RPRD2: variants seen among roughly 807,000 people sequenced by gnomAD.
The protein encoded by RPRD2 is regulation of nuclear pre-mRNA domain containing 2.
RPRD2 carries 12 observed loss-of-function variants against 104.4 expected under a neutral mutation model. That is an observed-to-expected ratio of 0.11 (90% CI 0.07 to 0.19). The LOEUF (loss-of-function observed/expected upper bound fraction) is 0.19. Ranked by LOEUF, RPRD2 falls within the 10% of genes least tolerant of loss-of-function variation. The pLI is 1.00. For synonymous variants in RPRD2, 714 were observed against 684.9 expected, an observed-to-expected ratio of 1.04 and a Z score of -0.66; for missense variants, 1,543 against 1,790.1, an observed-to-expected ratio of 0.86 and a Z score of 2.49.
intron 1 of RPRD2, among the ~76,000 whole-genome samples, chr1:150,393,170 A>G (rs1203912910): frequency 2.0e-5 from 3 of 152,110 alleles, no homozygotes; most frequent in Admixed American, 6.6e-5. Context: ...GACCCAAACC[A>G]AAACATTATT....
chr1:150,459,234 C>T (rs1388913084), intron 8 of RPRD2, among the ~76,000 whole-genome samples: 1 of 152,070 alleles, frequency 6.6e-6, no homozygotes, highest in South Asian at 2.1e-4. Context: ...TTGATACAGC[C>T]CTTAAAGCAT....
intron 6 of RPRD2, 119 bp downstream of exon 6, chr1:150,444,496 T>A: frequency 2.1e-6 from 2 of 937,054 alleles, no homozygotes; most frequent in Non-Finnish European, 3.1e-6. Context: ...TTGTGGCACC[T>A]CTGGTTTCCC....
chr1:150,456,995 G>A (rs373208107), intron 7 of RPRD2, among the ~76,000 whole-genome samples: 2 of 151,728 alleles, frequency 1.3e-5, no homozygotes, highest in East Asian at 1.9e-4. Context: ...AGGCTGAGGC[G>A]TGTGGATCAC....
Position 150,364,714 on chromosome 1 carries a change from G to A in RPRD2, c.-1G>A, listed in dbSNP as rs781843577. On this transcript the variant is annotated 5_prime_UTR_variant, in exon 1 of 11. Coordinates refer to ENST00000369068, the MANE Select transcript of RPRD2 (RefSeq NM_015203.5). ...CAGCAGCGCTTGTGCAAACCGGGAA[G>A]ATGGCGGCCGGCGGCGGCGGAGGCA... 7.7e-6 allele frequency: 12 copies of A among 1,560,178 alleles called. No individual in the cohort carries two copies. The highest frequency in any genetic ancestry group is 2.1e-4 in the Middle Eastern group (1 of 4,662).
At chr1:150,452,020 T>C (rs1201596010) in intron 7 of RPRD2, among the ~76,000 whole-genome samples, 1 of 151,326 alleles carries the variant, frequency 6.6e-6, no homozygotes, top group Non-Finnish European at 1.5e-5. Flanking sequence ...CGGGTGCCTG[T>C]AATCCCAGCT....
At chr1:150,371,583 A>G (rs1660302123) in intron 1 of RPRD2, among the ~76,000 whole-genome samples, 1 of 152,136 alleles carries the variant, frequency 6.6e-6, no homozygotes, top group Admixed American at 6.5e-5. Flanking sequence ...GTTAGCCAGG[A>G]TGGTCTCGAT....
chr1:150,464,376 TTTTG>T, intron 9 of RPRD2, 147 bp from the exon 10 acceptor site: 2 of 574,206 alleles, frequency 3.5e-6, no homozygotes, highest in Admixed American at 3.1e-5. Flanking sequence ...TTTTTTTTTT[TTTTG>T]TACATGTCAT....
intron 10 of RPRD2, among the ~76,000 whole-genome samples, chr1:150,469,744 T>C (rs867087814): frequency 1.3e-5 from 2 of 152,216 alleles, no homozygotes; most frequent in Non-Finnish European, 2.9e-5. Context: ...TTCTCAGTGC[T>C]TCTGAGAAAG....
intron 4 of RPRD2, among the ~76,000 whole-genome samples, chr1:150,442,343 C>G (rs1666463561): frequency 6.6e-6 from 1 of 152,112 alleles, no homozygotes; most frequent in African/African-American, 2.4e-5. Flanking sequence ...CATTAAGAAG[C>G]ATTTCTGTGG....
chr1:150,471,190 G>A lies in RPRD2; in HGVS notation c.2242G>A (p.Asp748Asn). 1 of 1,613,846 alleles carries A rather than the reference G, an allele frequency of 6.2e-7. No individual in the cohort carries two copies. The highest frequency in any genetic ancestry group is 8.5e-7 in the Non-Finnish European group (1 of 1,179,864). ...MMDKPTSSSV[D>N]TMSLLSKIIS... ...GGACAAGCCCACATCCAGCAGTGTA[G>A]ATACTATGTCCCTGCTTTCTAAGAT... Residue 748 changes from aspartate (D) to asparagine (N), a missense_variant, in exon 11 of 11, where the codon GAT becomes AAT. By Grantham distance (23) the Asp-to-Asn change is conservative (BLOSUM62 1). Around this residue, in one of 4 missense-constraint regions of RPRD2, gnomAD observed 572 missense variants for 787.3 expected, o/e 0.73. Transcript: ENST00000369068. This position sits in a 1 kb window ranked among gnomAD's most constrained non-coding sequence, Gnocchi z 5.3.
intron 2 of RPRD2, among the ~76,000 whole-genome samples, chr1:150,429,344 A>G (rs1366535853): frequency 6.6e-6 from 1 of 151,354 alleles, no homozygotes; most frequent in Non-Finnish European, 1.5e-5. Flanking sequence ...CCAAAGTGTT[A>G]GGATTACAGG....
chr1:150,381,064 A>T (rs1661090424), intron 1 of RPRD2, among the ~76,000 whole-genome samples: 1 of 152,138 alleles, frequency 6.6e-6, no homozygotes. Context: ...AACTGCTAAC[A>T]ACAGATTATT....
chr1:150,364,753 C>T lies in RPRD2; in HGVS notation c.39C>T (p.Ser13=), dbSNP rs587736605. The change falls in exon 1 of 11, where the codon TCC becomes TCT. Residue 13 remains serine (S), a synonymous_variant. Coordinates refer to ENST00000369068, the MANE Select transcript of RPRD2 (RefSeq NM_015203.5). ...AGGGGGSSKA[S]SSSASSAGAL... ...GCGGCGGAGGCAGCAGTAAGGCCTC[C>T]TCCTCGTCGGCCTCTTCGGCAGGGG... 1.5e-5 allele frequency: 24 copies of T among 1,599,296 alleles called. No homozygotes were observed. In the East Asian group the frequency reaches 4.7e-4, roughly 31 times the overall value.
At chr1:150,391,456 TAATG>T (rs1239499954) in intron 1 of RPRD2, among the ~76,000 whole-genome samples, 1 of 152,124 alleles carries the variant, frequency 6.6e-6, no homozygotes, top group African/African-American at 2.4e-5. Flanking sequence ...ACTGGCCCAT[TAATG>T]ACCTTTAAAA....
Position 150,386,639 on chromosome 1 carries a change from G to T in RPRD2, c.205+21720G>T, listed in dbSNP as rs587639916. ...CTTTTAACATCACTAGTGGCACTTT[G>T]TGTGGGTCTCATGGTGTTTACTTAA... On this transcript the variant is annotated intron_variant, in intron 1 of 10. Transcript: ENST00000369068. Among the ~76,000 whole-genome samples, 8 of 152,192 alleles carry T rather than the reference G, an allele frequency of 5.3e-5. No individual in the cohort carries two copies. In the South Asian group the frequency reaches 1.7e-3, roughly 32 times the overall value.
chr1:150,384,307 A>G (rs2102145050), intron 1 of RPRD2, among the ~76,000 whole-genome samples: 1 of 151,998 alleles, frequency 6.6e-6, no homozygotes, highest in South Asian at 2.1e-4. Flanking sequence ...ACGGTTTTTC[A>G]AAAACTATGT....
At chr1:150,393,498 T>TGA (rs1308451446) in intron 1 of RPRD2, among the ~76,000 whole-genome samples, 1 of 137,280 alleles carries the variant, frequency 7.3e-6, no homozygotes, top group Non-Finnish European at 1.6e-5. Flanking sequence ...AAACATTGGG[T>TGA]GAAAGACTGT....
chr1:150,366,420 C>T (rs1659847494), intron 1 of RPRD2, among the ~76,000 whole-genome samples: 1 of 152,160 alleles, frequency 6.6e-6, no homozygotes, highest in Admixed American at 6.5e-5. Context: ...TAGTAGATAC[C>T]GGACAGAATT....
intron 1 of RPRD2, among the ~76,000 whole-genome samples, chr1:150,396,201 T>G (rs1694363): frequency 0.3 from 43,572 of 146,840 alleles, 7,704 homozygotes; most frequent in Non-Finnish European, 0.4. Flanking sequence ...TCTGTGTGTT[T>G]TTTTTTTTTT....
Sources: gnomAD v4.1 joint callset for allele counts (sites outside exome capture counted in the v4.1 genomes callset) on GRCh38, gnomAD v4.1.1 for gene constraint, gnomAD v4.1.1 regional missense constraint, Gnocchi (gnomAD v3.1) non-coding constraint, MANE v1.5 for transcripts, NCBI Gene and HGNC (gene_info 2026-07-23, HGNC 2026-07-21) for gene names.